The following KIAA1549L variants were observed in gnomAD, a reference collection of about 807,000 sequenced individuals.
KIAA1549L encodes the protein UPF0606 protein KIAA1549L.
KIAA1549L carries 88 observed loss-of-function variants against 160.7 expected under a neutral mutation model. That is an observed-to-expected ratio of 0.55 (90% confidence interval 0.46 to 0.65). The LOEUF is 0.65. KIAA1549L is among the 30% of genes least tolerant of loss of function. The pLI is 0.00. For synonymous variants in KIAA1549L, 950 were observed against 976.7 expected (o/e 0.97, Z 0.51); for missense variants, 2,258 against 2,437.5 (o/e 0.93, Z 1.55).
intron 1 of KIAA1549L, among the ~76,000 whole-genome samples, chr11:33,529,290 A>G (rs947613424): frequency 1.3e-5 from 2 of 152,042 alleles, no homozygotes; most frequent in Non-Finnish European, 2.9e-5. Flanking sequence ...AGCCATGAGC[A>G]TGCTACTGCA....
At chr11:33,560,020 G>A in intron 7 of KIAA1549L, 109 bp downstream of exon 7, 2 of 1,038,386 alleles carry the variant, frequency 1.9e-6, no homozygotes, top group South Asian at 1.5e-5. Flanking sequence ...ATCATAAAGT[G>A]ACAGCTAAAA....
At chr11:33,541,772 C>T (rs1565174963) in intron 1 of KIAA1549L, 30 bp from the exon 2 acceptor site, 3 of 244,720 alleles carry the variant, frequency 1.2e-5, no homozygotes, top group Non-Finnish European at 1.7e-5. Context: ...GAGCATCCAA[C>T]ACCTGACGGC....
intron 16 of KIAA1549L, among the ~76,000 whole-genome samples, chr11:33,625,012 A>C (rs1280973015): frequency 2.7e-5 from 4 of 150,290 alleles, no homozygotes; most frequent in African/African-American, 9.8e-5. Context: ...TGTGGTGCTT[A>C]GTTTTTTGTT....
At chr11:33,520,490 C>T (rs1204349222) in intron 1 of KIAA1549L, among the ~76,000 whole-genome samples, 1 of 151,804 alleles carries the variant, frequency 6.6e-6, no homozygotes, top group Admixed American at 6.6e-5. Context: ...GCTCATGGAC[C>T]AGTGAAATGA....
intron 1 of KIAA1549L, among the ~76,000 whole-genome samples, chr11:33,420,572 A>G (rs1366619693): frequency 6.6e-6 from 1 of 152,148 alleles, no homozygotes; most frequent in African/African-American, 2.4e-5. Context: ...AAGAAGTTGT[A>G]TGGATTTTCA....
At position 33,547,856 on chromosome 11, in the gene KIAA1549L, C is replaced by T; in HGVS notation, c.3478C>T (p.His1160Tyr). 6.2e-7 allele frequency: 1 copy of T among 1,612,614 alleles called. No individual in the cohort carries two copies. Among genetic ancestry groups the T allele is most frequent in the Non-Finnish European group, 8.5e-7 (1 of 1,178,976 alleles). ...CACACAGGCATTGCGGAAGGCTTTC[C>T]ACCAGAACGATGTCTCAGCTCACGT... is the stretch of plus-strand genomic sequence containing the variant. ...GLTQALRKAF[H>Y]QNDVSAHVDI... The change falls in exon 4 of 21, where the codon CAC becomes TAC. Residue 1160 changes from histidine to tyrosine, a missense_variant. By Grantham distance (83) the His-to-Tyr change is moderately conservative (BLOSUM62 2). Transcript: ENST00000658780.
rs116405883 is a variant in KIAA1549L, at chr11:33,600,117, C to T, written c.4879+1170C>T. On this transcript the variant is annotated intron_variant, in intron 13 of 20. Coordinates refer to ENST00000658780, the MANE Select transcript of KIAA1549L (RefSeq NM_012194.3). ...TCCCATTTTCAGCTATTATATAAAG[C>T]ACTTGTTTAAAGTTTAAACTGTCAT... is the stretch of plus-strand genomic sequence containing the variant. 7.7e-3 allele frequency among the ~76,000 whole-genome samples: 1,173 copies of T among 152,200 alleles called. 14 individuals carry two copies. The highest frequency in any genetic ancestry group is 0.027 in the African/African-American group (1,116 of 41,506).
chr11:33,528,212 C>A (rs1016380765), intron 1 of KIAA1549L, among the ~76,000 whole-genome samples: 1 of 152,074 alleles, frequency 6.6e-6, no homozygotes, highest in Non-Finnish European at 1.5e-5. Context: ...AAATGGCCAA[C>A]AAACTATGAA....
intron 1 of KIAA1549L, among the ~76,000 whole-genome samples, chr11:33,510,666 G>A (rs1037347335): frequency 6.6e-6 from 1 of 152,246 alleles, no homozygotes; most frequent in Non-Finnish European, 1.5e-5. Context: ...TGGATATAGC[G>A]AGAAGAGAAG....
At chr11:33,403,186 CACAG>C (rs1850537794) in intron 1 of KIAA1549L, 1 of 148,324 alleles carries the variant, frequency 6.7e-6, no homozygotes, top group African/African-American at 2.5e-5. Context: ...CATACACACA[CACAG>C]ACATACACAG....
intron 1 of KIAA1549L, among the ~76,000 whole-genome samples, chr11:33,394,626 C>T (rs1850337589): frequency 6.6e-6 from 1 of 152,194 alleles, no homozygotes; most frequent in South Asian, 2.1e-4. Flanking sequence ...GTCACGGCTC[C>T]TGTTTGTCCC....
intron 16 of KIAA1549L, among the ~76,000 whole-genome samples, chr11:33,628,875 C>T (rs140616839): frequency 0.022 from 3,292 of 151,464 alleles, 121 homozygotes; most frequent in African/African-American, 0.07. Context: ...AGTTTCTTCC[C>T]AGTCTCGATG....
At chr11:33,512,392 C>T (rs1853247046) in intron 1 of KIAA1549L, among the ~76,000 whole-genome samples, 3 of 152,112 alleles carry the variant, frequency 2.0e-5, no homozygotes, top group Admixed American at 2.0e-4. Context: ...AATAAATACA[C>T]AGTTTTAAAA....
chr11:33,568,687 G>T (rs1332499785), intron 9 of KIAA1549L, among the ~76,000 whole-genome samples: 3 of 152,164 alleles, frequency 2.0e-5, no homozygotes, highest in Non-Finnish European at 4.4e-5. Flanking sequence ...TCAACAAACA[G>T]AACCCTCCAA....
At chr11:33,625,123 G>A (rs968687649) in intron 16 of KIAA1549L, among the ~76,000 whole-genome samples, 10 of 151,766 alleles carry the variant, frequency 6.6e-5, no homozygotes, top group Admixed American at 1.3e-4. Context: ...ATTCCATGGT[G>A]TATATGTGCC....
chr11:33,447,646 C>CACAT (rs1554978522), intron 1 of KIAA1549L, among the ~76,000 whole-genome samples: 9 of 151,282 alleles, frequency 5.9e-5, no homozygotes, highest in Admixed American at 4.6e-4. Flanking sequence ...CACACACACA[C>CACAT]AAAATTTTAG....
At chr11:33,487,402 C>CTTTTTTT (rs112165825) in intron 1 of KIAA1549L, among the ~76,000 whole-genome samples, 1 of 85,546 alleles carries the variant, frequency 1.2e-5, no homozygotes, top group Non-Finnish European at 2.5e-5. Flanking sequence ...GTCTATTGTT[C>CTTTTTTT]TTTTTTTTTT....
intron 19 of KIAA1549L, 70 bp downstream of exon 19, chr11:33,658,968 A>C: frequency 7.0e-7 from 1 of 1,437,052 alleles, no homozygotes. Context: ...TCAAATCCCC[A>C]GTTCCAATCT....
intron 1 of KIAA1549L, among the ~76,000 whole-genome samples, chr11:33,435,323 G>A (rs1851330556): frequency 6.6e-6 from 1 of 152,158 alleles, no homozygotes; most frequent in African/African-American, 2.4e-5. Flanking sequence ...AAAGGCACCT[G>A]AAGAGGCATG....
Sources: allele counts gnomAD v4.1 joint callset (sites outside exome capture counted in the v4.1 genomes callset), GRCh38; gene constraint gnomAD v4.1.1; transcripts MANE v1.5; gene names NCBI Gene and HGNC (gene_info 2026-07-23, HGNC 2026-07-21).